The following CALN1 variants were observed in gnomAD, a reference collection of about 807,000 sequenced individuals.
CALN1 encodes the protein calcium-binding protein 8.
Under a neutral mutation model 30.6 loss-of-function variants are expected in CALN1, and 17 were observed. The observed-to-expected ratio is 0.56, with a 90% CI of 0.38 to 0.83. CALN1 has a LOEUF of 0.83. Among genes scored for constraint, CALN1 ranks in the 40% least tolerant of loss-of-function variants. The pLI, the probability that CALN1 is intolerant of heterozygous loss-of-function variation, is 0.00. For missense variants in CALN1, 291 were observed against 354.9 expected (o/e 0.82, Z 1.45); for synonymous variants, 156 against 131.4 (o/e 1.19, Z -1.28).
the CALN1 span, among the ~76,000 whole-genome samples, chr7:72,490,933 G>A: frequency 6.6e-6 from 1 of 152,186 alleles, no homozygotes; most frequent in Non-Finnish European, 1.5e-5. Context: ...TATAATGTAT[G>A]TAATGCCTAG....
At chr7:72,113,671 C>G (rs1435876663) in intron 3 of CALN1, among the ~76,000 whole-genome samples, 1 of 152,224 alleles carries the variant, frequency 6.6e-6, no homozygotes, top group Non-Finnish European at 1.5e-5. Context: ...TTCTATATGT[C>G]TCCACTGGTT....
chr7:72,121,927 A>G (rs1346478377), intron 3 of CALN1, among the ~76,000 whole-genome samples: 5 of 148,202 alleles, frequency 3.4e-5, no homozygotes, highest in Admixed American at 2.7e-4. Context: ...ATTATATTAC[A>G]TGTAATATAT....
At chr7:72,011,671 C>T (rs1030236844) in intron 5 of CALN1, among the ~76,000 whole-genome samples, 3 of 152,262 alleles carry the variant, frequency 2.0e-5, no homozygotes, top group Admixed American at 2.0e-4. Context: ...ATCATCTTTC[C>T]TTTCTCTCCT....
At chr7:71,823,147 A>G (rs1287419324) in intron 5 of CALN1, among the ~76,000 whole-genome samples, 1 of 151,858 alleles carries the variant, frequency 6.6e-6, no homozygotes, top group East Asian at 1.9e-4. Context: ...AAGTTGTTGA[A>G]GCTTCTCCAG....
intron 2 of CALN1, among the ~76,000 whole-genome samples, chr7:72,395,578 G>C (rs551268505): frequency 1.3e-5 from 2 of 152,158 alleles, no homozygotes; most frequent in Non-Finnish European, 2.9e-5. Context: ...GATGTTCTGA[G>C]GATCATTCAT....
the CALN1 span, among the ~76,000 whole-genome samples, chr7:72,454,217 T>C: frequency 0.68 from 103,385 of 152,040 alleles, 35,372 homozygotes; most frequent in African/African-American, 0.75. Flanking sequence ...GCTCTGAGAA[T>C]CATGCAAAGA....
At chr7:72,001,518 G>A (rs1218907129) in intron 5 of CALN1, among the ~76,000 whole-genome samples, 1 of 152,188 alleles carries the variant, frequency 6.6e-6, no homozygotes, top group African/African-American at 2.4e-5. Flanking sequence ...ACCCCAAGGG[G>A]AGAATAAGGG....
intron 5 of CALN1, among the ~76,000 whole-genome samples, chr7:71,812,929 CATTATT>C (rs71092917): frequency 0.016 from 2,119 of 136,448 alleles, 42 homozygotes; most frequent in Admixed American, 0.059. Flanking sequence ...TCATCATCAT[CATTATT>C]ATTATTATTA....
the CALN1 span, among the ~76,000 whole-genome samples, chr7:72,452,708 C>T: frequency 6.6e-6 from 1 of 152,174 alleles, no homozygotes; most frequent in Admixed American, 6.6e-5. Context: ...GGGAGCTTAG[C>T]TTTATTGAAC....
At chr7:71,927,901 G>A (rs1452714249) in intron 5 of CALN1, among the ~76,000 whole-genome samples, 1 of 152,150 alleles carries the variant, frequency 6.6e-6, no homozygotes, top group African/African-American at 2.4e-5. Context: ...AGTGGTAGGA[G>A]ATCTTTAATG....
intron 2 of CALN1, among the ~76,000 whole-genome samples, chr7:72,296,709 T>A (rs1403571197): frequency 2.0e-5 from 3 of 148,204 alleles, no homozygotes; most frequent in Admixed American, 6.8e-5. Context: ...GGTGGTGATA[T>A]CCCCTTTATC....
At chr7:72,011,225 C>CAA (rs201590274) in intron 5 of CALN1, among the ~76,000 whole-genome samples, 2 of 149,140 alleles carry the variant, frequency 1.3e-5, no homozygotes, top group Non-Finnish European at 3.0e-5. Context: ...TAGGAAAAAA[C>CAA]AAAAAAAAAC....
intron 5 of CALN1, among the ~76,000 whole-genome samples, chr7:71,846,775 A>T (rs10085431): frequency 1.4e-5 from 2 of 148,132 alleles, no homozygotes; most frequent in African/African-American, 4.9e-5. Flanking sequence ...CACGTATATA[A>T]ATATATATAC....
intron 5 of CALN1, among the ~76,000 whole-genome samples, chr7:71,983,688 T>G (rs1798518680): frequency 6.6e-6 from 1 of 152,120 alleles, no homozygotes; most frequent in African/African-American, 2.4e-5. Flanking sequence ...CCCGCTACCA[T>G]GCCTGGCTAA....
At chr7:71,985,588 T>C (rs1022502906) in intron 5 of CALN1, among the ~76,000 whole-genome samples, 18 of 138,598 alleles carry the variant, frequency 1.3e-4, no homozygotes, top group Admixed American at 9.8e-4. Context: ...AGTTTTCTTT[T>C]TTTTTTTTTT....
chr7:72,435,074 T>C (rs1309117087), intron 1 of CALN1, among the ~76,000 whole-genome samples: 1 of 152,030 alleles, frequency 6.6e-6, no homozygotes, highest in Non-Finnish European at 1.5e-5. Flanking sequence ...AAAAATGGTT[T>C]TTTTAAAAAA....
At chr7:71,858,242 C>T (rs572384038) in intron 5 of CALN1, among the ~76,000 whole-genome samples, 1 of 152,142 alleles carries the variant, frequency 6.6e-6, no homozygotes, top group Non-Finnish European at 1.5e-5. Flanking sequence ...CCTGCTGTCA[C>T]GTGAAGAAGG....
chr7:72,170,751 G>C (rs1788888147), intron 3 of CALN1, among the ~76,000 whole-genome samples: 1 of 152,220 alleles, frequency 6.6e-6, no homozygotes, highest in Non-Finnish European at 1.5e-5. Context: ...CATTCAGAGA[G>C]AGAGACCAGT....
chr7:72,502,108 T>C, the CALN1 span, among the ~76,000 whole-genome samples: 1 of 149,268 alleles, frequency 6.7e-6, no homozygotes, highest in East Asian at 1.9e-4. Context: ...TTATTTGAGT[T>C]ACATGTTCAT....
Sources: allele counts gnomAD v4.1 joint callset (sites outside exome capture counted in the v4.1 genomes callset), GRCh38; gene constraint gnomAD v4.1.1; transcripts MANE v1.5; gene names NCBI Gene and HGNC (gene_info 2026-07-23, HGNC 2026-07-21).